Variants in SIN3B observed in about 807,000 individuals in gnomAD.
The protein encoded by SIN3B is SIN3 transcription regulator family member B, also known as paired amphipathic helix protein Sin3b.
Under a neutral mutation model 120.2 loss-of-function variants are expected in SIN3B, and 19 were observed. The observed-to-expected ratio is 0.16, with a 90% CI of 0.11 to 0.23. The LOEUF (loss-of-function observed/expected upper bound fraction) is 0.23, where lower values mean the gene tolerates loss of function less well. SIN3B is among the 10% of genes least tolerant of loss of function. SIN3B has a pLI of 1.00. For missense variants in SIN3B, 1,073 were observed against 1,573.0 expected, an observed-to-expected ratio of 0.68 and a Z score of 5.38; for synonymous variants, 654 against 653.2, an observed-to-expected ratio of 1.00 and a Z score of -0.02.
intron 4 of SIN3B, among the ~76,000 whole-genome samples, chr19:16,843,313 C>T (rs1224655737): frequency 5.9e-5 from 9 of 152,148 alleles, no homozygotes; most frequent in South Asian, 2.1e-4. Context: ...CTTGACATGT[C>T]GAGTCAAGAA....
intron 6 of SIN3B, 43 bp downstream of exon 6, chr19:16,851,577 C>G: frequency 6.5e-7 from 1 of 1,531,246 alleles, no homozygotes; most frequent in Non-Finnish European, 8.8e-7. Context: ...CGCGGGGCCC[C>G]CAGCAAATCG....
rs375440897 is a variant in SIN3B, at chr19:16,831,459, A to G, written c.228-35A>G. ...AGATTATATTTTTCATTTATTTCCC[A>G]AGACCCTTTTGCCCACTTCCGTTGT... On this transcript the variant is annotated intron_variant, in intron 2 of 18. Transcript: ENST00000248054. 194 of 1,604,800 alleles carry G rather than the reference A, an allele frequency of 1.2e-4. 1 individual carries two copies. The African/African-American group carries it at 2.2e-3, about 18-fold the overall frequency.
At chr19:16,848,701 A>G (rs1468094145) in intron 5 of SIN3B, among the ~76,000 whole-genome samples, 1 of 152,142 alleles carries the variant, frequency 6.6e-6, no homozygotes, top group African/African-American at 2.4e-5. Flanking sequence ...GGGCTTCGCC[A>G]TGTTGCCCAG....
In SIN3B at chr19:16,866,502, C is replaced by T; in HGVS notation, c.1752C>T (p.Thr584=). The T allele has an allele frequency of 6.2e-7, 1 of 1,614,014 alleles. No individual in the cohort carries two copies. Among genetic ancestry groups the T allele is most frequent in the Non-Finnish European group, 8.5e-7 (1 of 1,180,010 alleles). The part of the protein sequence containing the change: ...HQAVNFKQND[T]KALRSKSLLN... ...CTGTGAACTTCAAGCAGAACGACAC[C>T]AAGGCCCTGCGCTCCAAGAGCTTGC... The change falls in exon 12 of 19, where the codon ACC becomes ACT. Residue 584 remains threonine (T), a synonymous_variant. Transcript: ENST00000248054.
At chr19:16,829,579 T>C (rs1971250537) in intron 1 of SIN3B, 39 bp downstream of exon 1, 2 of 1,258,354 alleles carry the variant, frequency 1.6e-6, no homozygotes, top group Non-Finnish European at 2.0e-6. Context: ...GAACCCATCT[T>C]CTGGACCCCG....
chr19:16,831,845 T>C lies in SIN3B; in HGVS notation c.381+198T>C, dbSNP rs151301610. ...ACACAAGCAGCCTCTGCCTCCCAAA[T>C]TGATCTGTTTGGAAGATTTAAATCA... On this transcript the variant is annotated intron_variant, in intron 3 of 18. Coordinates refer to ENST00000248054, the MANE Select transcript of SIN3B (RefSeq NM_001297595.2). Among the ~76,000 whole-genome samples the C allele has an allele frequency of 1.6e-3, 238 of 152,310 alleles. 1 individual carries two copies. The highest frequency in any genetic ancestry group is 2.9e-3 in the Non-Finnish European group (198 of 68,018).
At chr19:16,837,495 G>A (rs145550011) in intron 3 of SIN3B, among the ~76,000 whole-genome samples, 70 of 151,898 alleles carry the variant, frequency 4.6e-4, no homozygotes, top group East Asian at 1.6e-3. Context: ...AAGGCCTCCC[G>A]AGTGATGGGG....
chr19:16,860,033 T>C (rs1971665333), intron 8 of SIN3B, among the ~76,000 whole-genome samples: 1 of 152,240 alleles, frequency 6.6e-6, no homozygotes, highest in Non-Finnish European at 1.5e-5. Context: ...GGCAAGGTGC[T>C]GAACAGATGG....
chr19:16,860,523 G>T (rs1367592461), intron 8 of SIN3B, among the ~76,000 whole-genome samples: 1 of 151,876 alleles, frequency 6.6e-6, no homozygotes, highest in Non-Finnish European at 1.5e-5. Context: ...TGAGGGGGAC[G>T]TCGTTATGCG....
chr19:16,879,031 A>C lies in SIN3B; in HGVS notation c.*304A>C. ...CGTCCCCGTCCGTCACATGTGCCAA[A>C]TCCCTGGCAGGCAGATGGCTCCTGC... On this transcript the variant is annotated 3_prime_UTR_variant, in exon 19 of 19. Coordinates refer to ENST00000248054, the MANE Select transcript of SIN3B (RefSeq NM_001297595.2). The C allele has an allele frequency of 2.0e-5, 9 of 447,994 alleles. No individual in the cohort carries two copies. Among genetic ancestry groups the C allele is most frequent in the Admixed American group, 4.0e-5 (1 of 25,188 alleles). 27.8% of individuals were successfully genotyped at this position (447,994 alleles called of 1,614,324 possible). A position where few individuals can be genotyped will look rare whatever the true frequency, so the allele number is the denominator to read the frequency against.
rs149533205 is a variant in SIN3B, at chr19:16,862,413, G to A, written c.1120G>A (p.Ala374Thr). The A allele has an allele frequency of 2.5e-4, 410 of 1,614,152 alleles. No individual in the cohort carries two copies. Among genetic ancestry groups the A allele is most frequent in the African/African-American group, 2.0e-4 (15 of 75,016 alleles). Residue 374 changes from alanine to threonine, a missense_variant, in exon 9 of 19, where the codon GCG becomes ACG. Around this residue, in one of 7 missense-constraint regions of SIN3B, gnomAD observed 395 missense variants for 528.0 expected, o/e 0.75. Transcript: ENST00000248054. This position sits in a 1 kb window ranked among gnomAD's most constrained non-coding sequence, Gnocchi z 4.7. The stretch of plus-strand genomic sequence containing the variant: ...CCTGGGGGTAAAAGAGCTGTCCTTC[G>A]CGCCACCCATGAGCGACAGATCCGG... Reference protein sequence around the residue: ...SFLGVKELSFAPPMSDRSGDG... With the variant: ...SFLGVKELSFTPPMSDRSGDG...
intron 3 of SIN3B, among the ~76,000 whole-genome samples, chr19:16,839,491 A>G (rs1415952423): frequency 6.6e-6 from 1 of 152,170 alleles, no homozygotes; most frequent in East Asian, 1.9e-4. Context: ...ACTTTAGGGG[A>G]TCAGAGGGTG....
At position 16,875,654 on chromosome 19, in the gene SIN3B, CTGGTCTGGTCTGTT is replaced by C. The variant is rs967369085; in HGVS notation, c.2593-388_2593-375del. Among the ~76,000 whole-genome samples the C allele has an allele frequency of 1.3e-4, 19 of 141,218 alleles. No individual in the cohort carries two copies. In the South Asian group the frequency reaches 3.4e-3, roughly 25 times the overall value. The allele number at this position is 141,218 out of a possible 152,430, so 92.6% of individuals were successfully genotyped here. ...TCTGGTCTGGTCTGTTTGGTCTGGT[CTGGTCTGGTCTGTT>C]TGGTCTGGTCTGGTCTGGTCTGGTC... On this transcript the variant is annotated intron_variant, in intron 14 of 18. Coordinates refer to ENST00000248054, the MANE Select transcript of SIN3B (RefSeq NM_001297595.2).
intron 9 of SIN3B, chr19:16,863,324 AG>A: frequency 2.8e-6 from 1 of 362,086 alleles, no homozygotes; most frequent in Non-Finnish European, 4.9e-6. Context: ...TTAAGAATGC[AG>A]TGTAACAATG....
rs367576931 is a variant in SIN3B at position 16,878,715 on chromosome 19, G to A, written c.3381G>A (p.Pro1127=). The change falls in exon 19 of 19, where the codon CCG becomes CCA. Residue 1127 remains proline, a synonymous_variant. Coordinates refer to ENST00000248054, the MANE Select transcript of SIN3B (RefSeq NM_001297595.2). ...TRYRVQYSRR[P]ASP ...ACCGCGTGCAGTACAGCCGCCGCCC[G>A]GCCTCGCCCTGACCCGCCCTCATGG... 1.8e-5 allele frequency: 29 copies of A among 1,601,690 alleles called. 1 individual carries two copies. Among genetic ancestry groups the A allele is most frequent in the Middle Eastern group, 1.9e-4 (1 of 5,198 alleles).
intron 3 of SIN3B, among the ~76,000 whole-genome samples, chr19:16,838,980 T>TC (rs1021096559): frequency 4.7e-5 from 7 of 150,212 alleles, no homozygotes; most frequent in Admixed American, 2.7e-4. Flanking sequence ...CTTTTTTTTT[T>TC]TTTTTTTTTT....
At chr19:16,831,785 T>G (rs1281251047) in intron 3 of SIN3B, 138 bp downstream of exon 3, 9 of 696,754 alleles carry the variant, frequency 1.3e-5, no homozygotes, top group Non-Finnish European at 2.2e-5. Flanking sequence ...TGCTCATTGC[T>G]TCTAGCACAA....
At position 16,879,690 on chromosome 19, in the gene SIN3B, C is replaced by G. The variant is rs1318304112; in HGVS notation, c.*963C>G. 1 of 152,268 alleles carries G rather than the reference C, an allele frequency of 6.6e-6. No individual in the cohort carries two copies. Among genetic ancestry groups the G allele is most frequent in the African/African-American group, 2.4e-5 (1 of 41,446 alleles). 9.4% of individuals were successfully genotyped at this position (152,268 alleles called of 1,614,324 possible). On this transcript the variant is annotated 3_prime_UTR_variant, in exon 19 of 19. Coordinates refer to ENST00000248054, the MANE Select transcript of SIN3B (RefSeq NM_001297595.2). Reference sequence around the variant, plus strand: ...CAAGGAGCCCCATCCGCCCACCCACCCTGGGACCCACGCGGCCACTCCAGG... The same window carrying G: ...CAAGGAGCCCCATCCGCCCACCCACGCTGGGACCCACGCGGCCACTCCAGG...
At chr19:16,831,902 G>A (rs550371997) in intron 3 of SIN3B, among the ~76,000 whole-genome samples, 28 of 152,272 alleles carry the variant, frequency 1.8e-4, no homozygotes, top group Admixed American at 2.6e-4. Flanking sequence ...TCCTCCTAAC[G>A]CAGAATTTTG....
Sources: gnomAD v4.1 joint callset for allele counts (sites outside exome capture counted in the v4.1 genomes callset) on GRCh38, gnomAD v4.1.1 for gene constraint, gnomAD v4.1.1 regional missense constraint, Gnocchi (gnomAD v3.1) non-coding constraint, MANE v1.5 for transcripts, NCBI Gene and HGNC (gene_info 2026-07-23, HGNC 2026-07-21) for gene names.